The following LRRC37B variants were observed in gnomAD, a reference collection of about 807,000 sequenced individuals.
LRRC37B encodes leucine-rich repeat-containing protein 37B.
In LRRC37B, 28 loss-of-function variants were observed where a neutral mutation model predicts 98.3. That is an observed-to-expected ratio of 0.28 (90% CI 0.21 to 0.39). The LOEUF is 0.39. LRRC37B is among the 10% of genes least tolerant of loss of function. LRRC37B has a pLI of 1.00. For synonymous variants in LRRC37B, 364 were observed against 442.7 expected, an observed-to-expected ratio of 0.82 and a Z score of 2.23; for missense variants, 938 against 1,182.7, an observed-to-expected ratio of 0.79 and a Z score of 3.03.
chr17:32,022,855 T>G lies in LRRC37B; in HGVS notation c.1760+30T>G, dbSNP rs575007252. On this transcript the variant is annotated intron_variant, in intron 1 of 11. Coordinates refer to ENST00000327564, the Ensembl canonical transcript of LRRC37B. ...GAATCACCTTTCCTCAATCATCCTC[T>G]GTGTCTTGCCTGACATGGCAGCCTT... 56 of 1,601,014 alleles carry G rather than the reference T, an allele frequency of 3.5e-5. No individual in the cohort carries two copies. In the South Asian group the frequency reaches 5.2e-4, roughly 15 times the overall value.
chr17:32,022,243 A>T (rs762417298), exon 1 of LRRC37B: 1 of 1,613,964 alleles, frequency 6.2e-7, no homozygotes, highest in Non-Finnish European at 8.5e-7. Flanking sequence ...ACCCAAGCCC[A>T]GCAGGAGGCC....
At chr17:32,027,551 ATGTGTGTGTGCGCTTGCC>A (rs1309077539) in intron 2 of LRRC37B, among the ~76,000 whole-genome samples, 200 bp from the exon 6 acceptor site, 1 of 142,614 alleles carries the variant, frequency 7.0e-6, no homozygotes, top group Non-Finnish European at 1.5e-5. Flanking sequence ...GTGCCTGCAA[ATGTGTGTGTGCGCTTGCC>A]TGTGTGTGTG....
chr17:32,039,594 A>T (rs532354129), intron 7 of LRRC37B, among the ~76,000 whole-genome samples: 48 of 131,396 alleles, frequency 3.7e-4, no homozygotes, highest in African/African-American at 1.2e-3. Flanking sequence ...TTATATATTT[A>T]TATATATTAT....
At chr17:32,050,062 G>A (rs1911707188) in exon 11 of LRRC37B, 2 of 1,587,626 alleles carry the variant, frequency 1.3e-6, no homozygotes, top group Admixed American at 1.7e-5. Context: ...CAATATCTGT[G>A]ACTGTAATAC....
At chr17:32,041,223 C>A (rs761085313) in intron 7 of LRRC37B, 2 of 771,128 alleles carry the variant, frequency 2.6e-6, no homozygotes, top group South Asian at 2.7e-5. Flanking sequence ...CCTCGGAGAG[C>A]CTGAGCAGTC....
At chr17:32,021,470 C>T in exon 1 of LRRC37B, 1 of 1,614,180 alleles carries the variant, frequency 6.2e-7, no homozygotes, top group Non-Finnish European at 8.5e-7. Context: ...GAGAGCTGCC[C>T]CTGGGGCCAG....
At chr17:32,040,348 TG>T (rs1911388116) in intron 7 of LRRC37B, 1 of 382,574 alleles carries the variant, frequency 2.6e-6, no homozygotes. Context: ...AAGCACGTGG[TG>T]GGGCCCCTGA....
intron 2 of LRRC37B, among the ~76,000 whole-genome samples, chr17:32,027,422 CGTGCTTGCCTGTGTGTGT>C (rs957885738): frequency 3.8e-5 from 4 of 105,844 alleles, no homozygotes; most frequent in African/African-American, 1.2e-4. Flanking sequence ...AGTGTGTGTG[CGTGCTTGCCTGTGTGTGT>C]GTGCTTGCCT....
chr17:32,040,222 T>C (rs1001349112), intron 7 of LRRC37B: 2 of 205,672 alleles, frequency 9.7e-6, no homozygotes, highest in African/African-American at 2.3e-5. Flanking sequence ...CTCAGGTCAC[T>C]TACAGTCTCA....
chr17:32,029,102 C>T (rs1457579192), intron 3 of LRRC37B, among the ~76,000 whole-genome samples: 1 of 152,022 alleles, frequency 6.6e-6, no homozygotes, highest in Non-Finnish European at 1.5e-5. Flanking sequence ...CCCTGGTTCA[C>T]TCCATTCTCC....
chr17:32,033,659 C>T lies in LRRC37B; in HGVS notation c.2058-1251C>T, dbSNP rs1227345248. On this transcript the variant is annotated intron_variant, in intron 5 of 11. Coordinates refer to ENST00000327564, the Ensembl canonical transcript of LRRC37B. Reference sequence around the variant, plus strand: ...CAAATACGTAGCAGCCTAATAGATGCTCACTGTAAGAATTATTATTTTTAT... The same window carrying T: ...CAAATACGTAGCAGCCTAATAGATGTTCACTGTAAGAATTATTATTTTTAT... Among the ~76,000 whole-genome samples, 7 of 152,166 alleles carry T rather than the reference C, an allele frequency of 4.6e-5. No individual in the cohort carries two copies. The South Asian group carries it at 1.4e-3, about 32-fold the overall frequency.
At chr17:32,026,035 G>A (rs1809497) in intron 2 of LRRC37B, among the ~76,000 whole-genome samples, 19 of 152,176 alleles carry the variant, frequency 1.2e-4, no homozygotes, top group Middle Eastern at 3.4e-3. Context: ...TGAGTTTTCT[G>A]TCCTTTGTTC....
chr17:32,041,394 C>G (rs1171628328), intron 7 of LRRC37B: 1 of 750,836 alleles, frequency 1.3e-6, no homozygotes, highest in Non-Finnish European at 2.5e-6. Flanking sequence ...CCATGGGGAG[C>G]TGGGCTTCCA....
chr17:32,017,775 G>C (rs1390435198), upstream of LRRC37B, among the ~76,000 whole-genome samples: 1 of 152,044 alleles, frequency 6.6e-6, no homozygotes, highest in Non-Finnish European at 1.5e-5. Context: ...CTGGGTGACA[G>C]AGTGAGACCC....
chr17:32,041,235 A>T, intron 7 of LRRC37B: 1 of 770,472 alleles, frequency 1.3e-6, no homozygotes, highest in Non-Finnish European at 2.4e-6. Context: ...TGAGCAGTCC[A>T]ATGGGGGCTT....
At chr17:32,029,220 A>G (rs1217482641) in intron 3 of LRRC37B, among the ~76,000 whole-genome samples, 21 of 152,020 alleles carry the variant, frequency 1.4e-4, no homozygotes, top group East Asian at 1.9e-4. Flanking sequence ...CCAGGATCTC[A>G]ATATCCTGAC....
Position 32,035,058 on chromosome 17 carries a change from G to A in LRRC37B, c.2129+77G>A, listed in dbSNP as rs541031899. ...TTTGTCATCAAAGATAAAGTATTTT[G>A]CATTTAGGCTAAAAAGTCATAATTT... On this transcript the variant is annotated intron_variant, in intron 6 of 11. Coordinates refer to ENST00000327564, the Ensembl canonical transcript of LRRC37B. 422 of 1,089,698 alleles carry A rather than the reference G, an allele frequency of 3.9e-4. 4 individuals carry two copies. The South Asian group carries it at 5.9e-3, about 15-fold the overall frequency. 67.5% of individuals were successfully genotyped at this position (1,089,698 alleles called of 1,614,324 possible). A position where few individuals can be genotyped will look rare whatever the true frequency, so the allele number is the denominator to read the frequency against.
intron 6 of LRRC37B, 70 bp from the exon 10 acceptor site, chr17:32,035,495 T>C: frequency 6.8e-7 from 1 of 1,480,960 alleles, no homozygotes; most frequent in Non-Finnish European, 9.3e-7. Flanking sequence ...CACATGTCCT[T>C]GAATTATCTT....
At chr17:32,026,848 A>G (rs1053749889) in intron 2 of LRRC37B, among the ~76,000 whole-genome samples, 18 of 152,186 alleles carry the variant, frequency 1.2e-4, no homozygotes, top group African/African-American at 3.1e-4. Context: ...GATGCTAGCA[A>G]TAATCTTTTG....
Sources: gnomAD v4.1 joint callset for allele counts (sites outside exome capture counted in the v4.1 genomes callset) on GRCh38, gnomAD v4.1.1 for gene constraint, MANE v1.5 for transcripts, NCBI Gene and HGNC (gene_info 2026-07-23, HGNC 2026-07-21) for gene names.